Variants in CNOT6L observed in about 807,000 individuals in gnomAD.
CNOT6L encodes the protein CCR4-NOT transcription complex subunit 6-like.
Under a neutral mutation model 64.0 loss-of-function variants are expected in CNOT6L, and 7 were observed. The observed-to-expected ratio is 0.11, with a 90% CI of 0.06 to 0.21. CNOT6L has a LOEUF of 0.21. CNOT6L is among the 10% of genes least tolerant of loss of function. CNOT6L has a pLI of 1.00. For missense variants in CNOT6L, 245 were observed against 669.0 expected, an observed-to-expected ratio of 0.37 and a Z score of 6.99; for synonymous variants, 193 against 243.4, an observed-to-expected ratio of 0.79 and a Z score of 1.93.
intron 8 of CNOT6L, among the ~76,000 whole-genome samples, chr4:77,732,660 T>C (rs1315101040): frequency 6.6e-6 from 1 of 152,104 alleles, no homozygotes. Context: ...AAAGTGACTA[T>C]AGTTTCTACC....
chr4:77,765,909 T>C (rs1484306909), intron 4 of CNOT6L, among the ~76,000 whole-genome samples: 1 of 152,226 alleles, frequency 6.6e-6, no homozygotes, highest in Non-Finnish European at 1.5e-5. Flanking sequence ...ACCCCAGACC[T>C]GGATTACTCA....
chr4:77,809,517 TTATA>T (rs1732655428), intron 1 of CNOT6L, among the ~76,000 whole-genome samples: 1 of 152,184 alleles, frequency 6.6e-6, no homozygotes, highest in South Asian at 2.1e-4. Flanking sequence ...TTTCATAAAA[TTATA>T]TGTAGATATT....
intron 10 of CNOT6L, 54 bp downstream of exon 10, chr4:77,728,800 G>T: frequency 6.9e-7 from 1 of 1,455,662 alleles, no homozygotes; most frequent in South Asian, 1.1e-5. Flanking sequence ...GCTGGCCTTT[G>T]AACCAAGAGT....
At chr4:77,781,110 C>T (rs1173255166) in intron 1 of CNOT6L, among the ~76,000 whole-genome samples, 1 of 152,116 alleles carries the variant, frequency 6.6e-6, no homozygotes, top group Non-Finnish European at 1.5e-5. Context: ...TGTTCTCACT[C>T]CTAAGTGGGA....
intron 8 of CNOT6L, among the ~76,000 whole-genome samples, chr4:77,740,885 A>G (rs190812597): frequency 2.5e-4 from 38 of 152,262 alleles, no homozygotes; most frequent in Non-Finnish European, 2.8e-4. Flanking sequence ...ACAATTGTCT[A>G]TTTACTACAG....
chr4:77,807,276 C>CAAAA (rs58452605), intron 1 of CNOT6L, among the ~76,000 whole-genome samples: 26,302 of 107,484 alleles, frequency 0.24, 3,913 homozygotes, highest in East Asian at 0.45. Context: ...GACTCCATCT[C>CAAAA]AAAAAAAAAA....
At chr4:77,792,676 A>C (rs1372922490) in intron 1 of CNOT6L, among the ~76,000 whole-genome samples, 1 of 150,864 alleles carries the variant, frequency 6.6e-6, no homozygotes, top group Non-Finnish European at 1.5e-5. Flanking sequence ...CAGTAAGCCA[A>C]GATCGTGCCA....
At chr4:77,727,095 A>T (rs1721940571) in intron 10 of CNOT6L, among the ~76,000 whole-genome samples, 1 of 152,200 alleles carries the variant, frequency 6.6e-6, no homozygotes, top group South Asian at 2.1e-4. Context: ...ATAAGGATTG[A>T]TAGTAAGATA....
Position 77,742,245 on chromosome 4 carries a change from C to T in CNOT6L, c.768G>A (p.Glu256=). ...GAGAAAAAAATCCATCATATCCACG[C>T]TCCTTCAATGCTGGCAGAAAGAGAG... ...YFTLFLPALK[E]RGYDGFFSPK... Residue 256 remains glutamate (E), a synonymous_variant, in exon 8 of 12, where the codon GAG becomes GAA. Transcript: ENST00000504123. 6.2e-7 allele frequency: 1 copy of T among 1,612,958 alleles called. No homozygotes were observed.
At chr4:77,767,980 CAAAAAAA>C (rs11455356) in intron 4 of CNOT6L, among the ~76,000 whole-genome samples, 1 of 87,128 alleles carries the variant, frequency 1.1e-5, no homozygotes, top group Non-Finnish European at 2.2e-5. Context: ...ACTTTGTCCC[CAAAAAAA>C]AAAAAAAAAA....
rs371841161 is a variant in CNOT6L, at chr4:77,819,049, GAC to G, written c.5+253_5+254del. The G allele has an allele frequency of 2.5e-3, 1,324 of 521,742 alleles. 2 individuals are homozygous for G. The highest frequency in any genetic ancestry group is 9.1e-3 in the East Asian group (242 of 26,678). The allele number at this position is 521,742 out of a possible 1,614,324, so 32.3% of individuals were successfully genotyped here. A position where few individuals can be genotyped will look rare whatever the true frequency, so the allele number is the denominator to read the frequency against. On this transcript the variant is annotated intron_variant, in intron 1 of 11. Transcript: ENST00000504123. Reference sequence around the variant, plus strand: ...GGGGTCCCGGCCCCGGGCCACCCCCGACACACACACACACACACACACACACC... The same window carrying G: ...GGGGTCCCGGCCCCGGGCCACCCCCGACACACACACACACACACACACACC...
intron 8 of CNOT6L, among the ~76,000 whole-genome samples, chr4:77,738,096 G>A (rs562612707): frequency 3.2e-4 from 48 of 152,160 alleles, no homozygotes; most frequent in African/African-American, 1.1e-3. Flanking sequence ...AAAAAGCAAG[G>A]ACTTGGCCTT....
chr4:77,779,287 C>T (rs1728578491), intron 1 of CNOT6L, among the ~76,000 whole-genome samples: 1 of 151,888 alleles, frequency 6.6e-6, no homozygotes, highest in Admixed American at 6.6e-5. Flanking sequence ...AATCTGCCAC[C>T]TTCCTCCCTT....
intron 1 of CNOT6L, among the ~76,000 whole-genome samples, chr4:77,792,529 C>G (rs565247329): frequency 2.1e-4 from 32 of 151,972 alleles, no homozygotes; most frequent in Non-Finnish European, 4.3e-4. Flanking sequence ...AGTTCAAGAC[C>G]AGCCTGGCCA....
chr4:77,767,963 G>A (rs1312470254), intron 4 of CNOT6L, among the ~76,000 whole-genome samples: 1 of 135,178 alleles, frequency 7.4e-6, no homozygotes, highest in East Asian at 2.2e-4. Flanking sequence ...ATGGGCGACA[G>A]AGCGAGACTT....
At chr4:77,794,243 C>T (rs1730528043) in intron 1 of CNOT6L, among the ~76,000 whole-genome samples, 1 of 149,176 alleles carries the variant, frequency 6.7e-6, no homozygotes, top group Non-Finnish European at 1.5e-5. Context: ...CCTTGGTTGG[C>T]CTTTATGGAA....
At position 77,804,880 on chromosome 4, in the gene CNOT6L, A is replaced by C. The variant is rs1364492031; in HGVS notation, c.5+14424T>G. Among the ~76,000 whole-genome samples the C allele has an allele frequency of 2.6e-5, 4 of 152,214 alleles. No homozygotes were observed. The East Asian group carries it at 7.7e-4, about 29-fold the overall frequency. Reference sequence around the variant, plus strand: ...AAAAAAGTATACACAGTATGAACCTATTTTAGTTATGTTTTTGTGGTTATG... The same window carrying C: ...AAAAAAGTATACACAGTATGAACCTCTTTTAGTTATGTTTTTGTGGTTATG... On this transcript the variant is annotated intron_variant, in intron 1 of 11. Transcript: ENST00000504123.
chr4:77,801,119 T>A (rs553890954), intron 1 of CNOT6L, among the ~76,000 whole-genome samples: 1 of 152,170 alleles, frequency 6.6e-6, no homozygotes, highest in African/African-American at 2.4e-5. Flanking sequence ...GAACTTACAA[T>A]GGCTTTGAGT....
intron 1 of CNOT6L, among the ~76,000 whole-genome samples, chr4:77,796,378 T>C (rs1002362585): frequency 2.6e-5 from 4 of 152,110 alleles, no homozygotes; most frequent in African/African-American, 9.7e-5. Flanking sequence ...GATTGAATCA[T>C]GGGGGAGGAC....
Sources: gnomAD v4.1 joint callset for allele counts (sites outside exome capture counted in the v4.1 genomes callset) on GRCh38, gnomAD v4.1.1 for gene constraint, MANE v1.5 for transcripts, NCBI Gene and HGNC (gene_info 2026-07-23, HGNC 2026-07-21) for gene names.